OSBP2: variants seen among roughly 807,000 people sequenced by gnomAD.
OSBP2 encodes the protein oxysterol binding protein 2.
Under a neutral mutation model 96.0 loss-of-function variants are expected in OSBP2, and 66 were observed. The observed-to-expected ratio is 0.69, with a 90% CI of 0.56 to 0.84. The LOEUF is 0.84. OSBP2 is among the 40% of genes least tolerant of loss of function. The pLI is 0.00. For missense variants in OSBP2, 1,038 were observed against 1,222.7 expected (o/e 0.85, Z 2.25); for synonymous variants, 525 against 520.9 (o/e 1.01, Z -0.11).
chr22:30,825,617 T>C (rs1175585662), intron 2 of OSBP2, among the ~76,000 whole-genome samples: 1 of 152,232 alleles, frequency 6.6e-6, no homozygotes, highest in African/African-American at 2.4e-5. Flanking sequence ...TGTGCACTTA[T>C]GTGTATATGC....
At chr22:30,751,773 A>G (rs2145756499) in intron 2 of OSBP2, among the ~76,000 whole-genome samples, 1 of 152,364 alleles carries the variant, frequency 6.6e-6, no homozygotes, top group African/African-American at 2.4e-5. Flanking sequence ...TTAGGCGCCC[A>G]GGGCACTTGA....
At chr22:30,768,886 G>T (rs2090313160) in intron 2 of OSBP2, among the ~76,000 whole-genome samples, 1 of 152,220 alleles carries the variant, frequency 6.6e-6, no homozygotes, top group Non-Finnish European at 1.5e-5. Context: ...CTGTAGGCAT[G>T]AGCACCGGAC....
At chr22:30,880,543 C>G (rs2039680926) in intron 3 of OSBP2, among the ~76,000 whole-genome samples, 1 of 152,220 alleles carries the variant, frequency 6.6e-6, no homozygotes, top group Non-Finnish European at 1.5e-5. Flanking sequence ...CAGCAGGCCT[C>G]TGGTGCCTCC....
intron 1 of OSBP2, among the ~76,000 whole-genome samples, chr22:30,717,033 GT>G (rs1354736650): frequency 6.6e-6 from 1 of 151,072 alleles, no homozygotes; most frequent in Non-Finnish European, 1.5e-5. Context: ...TTCTCTAGGA[GT>G]TGTACAGATG....
At chr22:30,852,615 T>G (rs1268779636) in intron 2 of OSBP2, among the ~76,000 whole-genome samples, 1 of 152,132 alleles carries the variant, frequency 6.6e-6, no homozygotes, top group East Asian at 1.9e-4. Flanking sequence ...TTTAACTTTC[T>G]AAATTCTGTT....
chr22:30,776,481 C>T (rs1333328695), intron 2 of OSBP2, among the ~76,000 whole-genome samples: 2 of 152,082 alleles, frequency 1.3e-5, no homozygotes, highest in East Asian at 1.9e-4. Flanking sequence ...CAGTGTACTT[C>T]GCTGAAACAT....
chr22:30,903,078 C>T (rs924260783), intron 12 of OSBP2, among the ~76,000 whole-genome samples: 1 of 152,202 alleles, frequency 6.6e-6, no homozygotes, highest in African/African-American at 2.4e-5. Context: ...CATGGGGTTC[C>T]CCAGAGGATC....
At chr22:30,720,766 C>T (rs136380) in intron 1 of OSBP2, among the ~76,000 whole-genome samples, 100,517 of 152,078 alleles carry the variant, frequency 0.66, 33,503 homozygotes, top group Middle Eastern at 0.73. Context: ...TAATGAGACC[C>T]TCCTGTTTAA....
At chr22:30,850,839 A>G (rs188305387) in intron 2 of OSBP2, among the ~76,000 whole-genome samples, 1 of 152,272 alleles carries the variant, frequency 6.6e-6, no homozygotes, top group African/African-American at 2.4e-5. Context: ...TGTCAATTTC[A>G]ACAAAAAGTC....
In OSBP2 at chr22:30,906,088, G is replaced by T. The variant is rs2040329158; in HGVS notation, c.2608+19G>T. 1.3e-6 allele frequency: 2 copies of T among 1,581,818 alleles called. No individual in the cohort carries two copies. Among genetic ancestry groups the T allele is most frequent in the Admixed American group, 1.8e-5 (1 of 56,144 alleles). On this transcript the variant is annotated intron_variant, in intron 13 of 13. Coordinates refer to ENST00000332585, the MANE Select transcript of OSBP2 (RefSeq NM_030758.4). ...GAGGAAGGTGAGGCCGGGCGGGAAG[G>T]GCGCCCCGGAGGGGAGGAAAGGGGT...
intron 2 of OSBP2, among the ~76,000 whole-genome samples, chr22:30,849,505 G>A (rs1176173969): frequency 6.6e-6 from 1 of 151,990 alleles, no homozygotes; most frequent in Non-Finnish European, 1.5e-5. Context: ...ATGATATTGA[G>A]CATCTCTTCA....
intron 2 of OSBP2, among the ~76,000 whole-genome samples, chr22:30,783,162 C>T (rs576472083): frequency 6.9e-6 from 1 of 145,694 alleles, no homozygotes; most frequent in Non-Finnish European, 1.5e-5. Flanking sequence ...TGCATATGGT[C>T]CTATTCATTG....
At chr22:30,889,774 C>T in intron 7 of OSBP2, 138 bp downstream of exon 7, 2 of 756,040 alleles carry the variant, frequency 2.6e-6, no homozygotes, top group East Asian at 5.0e-5. Context: ...GAGCATGTAA[C>T]TAATTATCTA....
intron 1 of OSBP2, among the ~76,000 whole-genome samples, chr22:30,701,635 G>A (rs772054451): frequency 6.6e-6 from 1 of 152,062 alleles, no homozygotes; most frequent in Non-Finnish European, 1.5e-5. Context: ...GAGCCACCAC[G>A]CCCAGCCTTC....
intron 1 of OSBP2, among the ~76,000 whole-genome samples, chr22:30,709,970 C>A (rs989977377): frequency 6.6e-6 from 1 of 151,916 alleles, no homozygotes; most frequent in African/African-American, 2.4e-5. Flanking sequence ...GTAATCTCTG[C>A]CTCCCAGGTT....
chr22:30,857,792 G>A (rs1020570933), intron 2 of OSBP2, among the ~76,000 whole-genome samples: 1 of 152,188 alleles, frequency 6.6e-6, no homozygotes, highest in Non-Finnish European at 1.5e-5. Flanking sequence ...TCTCTTACTC[G>A]GAGTAAACTA....
intron 2 of OSBP2, among the ~76,000 whole-genome samples, chr22:30,807,941 A>G (rs912082011): frequency 6.6e-6 from 1 of 152,148 alleles, no homozygotes; most frequent in Admixed American, 6.5e-5. Flanking sequence ...ACAGGCCACC[A>G]TGCCAAGCTA....
At chr22:30,901,952 A>T (rs1201694884) in intron 12 of OSBP2, among the ~76,000 whole-genome samples, 1 of 152,156 alleles carries the variant, frequency 6.6e-6, no homozygotes, top group Non-Finnish European at 1.5e-5. Context: ...AATGTACAAC[A>T]GGACTTATGC....
chr22:30,859,846 G>T (rs2039173163), intron 2 of OSBP2, among the ~76,000 whole-genome samples: 1 of 152,254 alleles, frequency 6.6e-6, no homozygotes, highest in Non-Finnish European at 1.5e-5. Context: ...GACCCTGGGA[G>T]AGCTTTTTTC....
Sources: allele counts gnomAD v4.1 joint callset (sites outside exome capture counted in the v4.1 genomes callset), GRCh38; gene constraint gnomAD v4.1.1; transcripts MANE v1.5; gene names NCBI Gene and HGNC (gene_info 2026-07-23, HGNC 2026-07-21).